NBAS: variants seen among roughly 807,000 people sequenced by gnomAD.
The protein encoded by NBAS is NBAS subunit of NRZ tethering complex, also known as NAG/BC035112 fusion.
A neutral mutation model predicts 302.5 loss-of-function variants in NBAS; 219 were observed. The ratio of observed to expected loss-of-function variants is 0.72; its 90% CI spans 0.65 to 0.81. NBAS has a LOEUF of 0.81. Ranked by LOEUF, NBAS falls within the 30% of genes least tolerant of loss-of-function variation. NBAS has a pLI of 0.00. For missense variants in NBAS, 2,932 were observed against 2,841.6 expected (o/e 1.03, Z -0.72); for synonymous variants, 1,118 against 1,021.6 (o/e 1.09, Z -1.80).
At chr2:14,912,637 A>C in the NBAS span, among the ~76,000 whole-genome samples, 1 of 148,270 alleles carries the variant, frequency 6.7e-6, no homozygotes, top group East Asian at 2.0e-4. Flanking sequence ...GACACTGGGA[A>C]TCCTTCTTCT....
the NBAS span, among the ~76,000 whole-genome samples, chr2:14,969,729 C>T: frequency 3.9e-5 from 6 of 152,034 alleles, no homozygotes; most frequent in South Asian, 2.1e-4. Flanking sequence ...TATTAGTAAA[C>T]GGTGCTGGAA....
chr2:15,266,727 G>A (rs1214711413), intron 44 of NBAS, among the ~76,000 whole-genome samples: 2 of 151,982 alleles, frequency 1.3e-5, no homozygotes, highest in Non-Finnish European at 2.9e-5. Flanking sequence ...AGGGTCCTAG[G>A]GCTTCATTCT....
the NBAS span, among the ~76,000 whole-genome samples, chr2:15,142,876 G>A: frequency 6.6e-6 from 1 of 152,200 alleles, no homozygotes; most frequent in Non-Finnish European, 1.5e-5. Context: ...ATGTTGAAAC[G>A]TTAAAAGAAA....
the NBAS span, among the ~76,000 whole-genome samples, chr2:15,103,139 C>T: frequency 6.6e-6 from 1 of 152,132 alleles, no homozygotes; most frequent in African/African-American, 2.4e-5. Context: ...AAACCAATCT[C>T]ATGTGTGACT....
At chr2:14,786,637 T>G in the NBAS span, among the ~76,000 whole-genome samples, 1 of 151,906 alleles carries the variant, frequency 6.6e-6, no homozygotes, top group African/African-American at 2.4e-5. Flanking sequence ...CGGTTTTGAG[T>G]GAGTTTCTTA....
chr2:15,146,728 T>C, the NBAS span, among the ~76,000 whole-genome samples: 1 of 152,072 alleles, frequency 6.6e-6, no homozygotes, highest in African/African-American at 2.4e-5. Context: ...AGCAGATAGA[T>C]GGTATAGGTC....
chr2:14,973,990 C>T, the NBAS span, among the ~76,000 whole-genome samples: 3 of 152,144 alleles, frequency 2.0e-5, no homozygotes, highest in African/African-American at 7.2e-5. Context: ...TCTTCAAGAC[C>T]TAGATCTAAA....
intron 37 of NBAS, 127 bp downstream of exon 37, chr2:15,328,072 A>C (rs1672156329): frequency 8.3e-7 from 1 of 1,199,182 alleles, no homozygotes; most frequent in Non-Finnish European, 1.2e-6. Context: ...AAAATGTAAA[A>C]ACCAATGAAT....
chr2:15,353,041 G>A (rs918274700), intron 34 of NBAS, among the ~76,000 whole-genome samples: 2 of 152,088 alleles, frequency 1.3e-5, no homozygotes, highest in Admixed American at 1.3e-4. Context: ...GGATGAAAAT[G>A]TGAATTCTAG....
the NBAS span, among the ~76,000 whole-genome samples, chr2:15,147,111 G>A: frequency 6.6e-6 from 1 of 152,166 alleles, no homozygotes; most frequent in Admixed American, 6.5e-5. Context: ...GAAACCAACT[G>A]TTCTGGGTAG....
chr2:15,260,006 A>G (rs1668776683), intron 44 of NBAS, among the ~76,000 whole-genome samples: 1 of 152,220 alleles, frequency 6.6e-6, no homozygotes, highest in African/African-American at 2.4e-5. Flanking sequence ...GGAAAGATGC[A>G]ACCTTTCTGA....
the NBAS span, among the ~76,000 whole-genome samples, chr2:14,950,086 A>G: frequency 1.3e-5 from 2 of 152,080 alleles, no homozygotes; most frequent in Admixed American, 1.3e-4. Flanking sequence ...TTTAGTGGTG[A>G]TTTGTGAGAT....
chr2:15,561,333 G>A lies in NBAS; in HGVS notation c.-29C>T. On this transcript the variant is annotated 5_prime_UTR_variant, in exon 1 of 52. Coordinates refer to ENST00000281513, the MANE Select transcript of NBAS (RefSeq NM_015909.4). ...CGCCGAGGACTCAGGCAGCGGAGGA[G>A]TGTCTCTACGGAATCCCTCACAGGA... is the stretch of plus-strand genomic sequence containing the variant. The A allele has an allele frequency of 6.3e-7, 1 of 1,592,048 alleles. No homozygotes were observed. The highest frequency in any genetic ancestry group is 8.6e-7 in the Non-Finnish European group (1 of 1,164,506).
At chr2:15,378,384 A>G (rs28492895) in intron 30 of NBAS, among the ~76,000 whole-genome samples, 10,079 of 152,204 alleles carry the variant, frequency 0.066, 1,043 homozygotes, top group African/African-American at 0.22. Flanking sequence ...GAGAGTTGGA[A>G]AATGGCTAGT....
chr2:15,379,724 G>T lies in NBAS; in HGVS notation c.3468C>A (p.Ala1156=). Residue 1156 remains alanine, a synonymous_variant, in exon 30 of 52, where the codon GCC becomes GCA. Coordinates refer to ENST00000281513, the MANE Select transcript of NBAS (RefSeq NM_015909.4). The part of the protein sequence containing the change: ...ACSENPPAGI[A]HKGKPHYRVS... Reference sequence around the variant, plus strand: ...CCCTGTAGTGGGGTTTCCCTTTATGGGCTATACCAGCTGGAGGATTTTCTG... The same window carrying T: ...CCCTGTAGTGGGGTTTCCCTTTATGTGCTATACCAGCTGGAGGATTTTCTG... The T allele has an allele frequency of 1.2e-6, 2 of 1,613,990 alleles. No homozygotes were observed. The highest frequency in any genetic ancestry group is 1.7e-6 in the Non-Finnish European group (2 of 1,179,982).
intron 50 of NBAS, 135 bp from the exon 51 acceptor site, chr2:15,179,251 T>G: frequency 7.6e-7 from 1 of 1,309,102 alleles, no homozygotes; most frequent in Admixed American, 2.0e-5. Flanking sequence ...GGTACCGCAC[T>G]GGATATACTG....
intron 21 of NBAS, among the ~76,000 whole-genome samples, chr2:15,435,756 T>C (rs1289657313): frequency 6.6e-6 from 1 of 152,218 alleles, no homozygotes; most frequent in Non-Finnish European, 1.5e-5. Context: ...CCTCACTACT[T>C]ATCTGGACAA....
chr2:15,211,511 T>G (rs1057068757), intron 48 of NBAS, among the ~76,000 whole-genome samples: 1 of 152,262 alleles, frequency 6.6e-6, no homozygotes, highest in Admixed American at 6.5e-5. Context: ...TGAAAAGTTA[T>G]CCCCAGTTAT....
chr2:15,206,457 C>A (rs1285111051), intron 48 of NBAS, among the ~76,000 whole-genome samples: 1 of 152,036 alleles, frequency 6.6e-6, no homozygotes, highest in African/African-American at 2.4e-5. Flanking sequence ...AGGAGAAATT[C>A]AAGCCAGCTG....
Sources: allele counts gnomAD v4.1 joint callset (sites outside exome capture counted in the v4.1 genomes callset), GRCh38; gene constraint gnomAD v4.1.1; transcripts MANE v1.5; gene names NCBI Gene and HGNC (gene_info 2026-07-23, HGNC 2026-07-21).